CHMP7: variants seen among roughly 807,000 people sequenced by gnomAD.
The protein encoded by CHMP7 is charged multivesicular body protein 7.
A neutral mutation model predicts 53.7 loss-of-function variants in CHMP7; 15 were observed. The observed-to-expected ratio is 0.28, with a 90% CI of 0.19 to 0.43. The LOEUF is 0.43. Among genes scored for constraint, CHMP7 ranks in the 20% least tolerant of loss-of-function variants. The probability of loss-of-function intolerance (pLI) is 1.00; values close to 1 mark genes in which losing one functional copy is unlikely to be tolerated. For synonymous variants in CHMP7, 261 were observed against 228.0 expected (o/e 1.14, Z -1.30); for missense variants, 527 against 569.4 (o/e 0.93, Z 0.76).
At chr8:23,258,853 GAC>G (rs751907901) in intron 8 of CHMP7, 23 bp downstream of exon 8, 5 of 1,489,898 alleles carry the variant, frequency 3.4e-6, no homozygotes, top group Non-Finnish European at 3.7e-6. Flanking sequence ...GCCAGGGAGG[GAC>G]ACACAGAGAA....
chr8:23,249,469 C>G, intron 3 of CHMP7, 88 bp downstream of exon 3: 1 of 1,092,644 alleles, frequency 9.2e-7, no homozygotes, highest in Non-Finnish European at 1.3e-6. Context: ...GAAAAAAGAC[C>G]GTCTCTTTTT....
chr8:23,248,077 G>T (rs1020940949), intron 2 of CHMP7: 4 of 456,092 alleles, frequency 8.8e-6, no homozygotes, highest in Non-Finnish European at 1.8e-5. Flanking sequence ...CTCCCAAAGT[G>T]TTAAGATTAC....
chr8:23,256,856 G>A lies in CHMP7; in HGVS notation c.791+263G>A, dbSNP rs1340292532. Among the ~76,000 whole-genome samples the A allele has an allele frequency of 6.3e-5, 9 of 143,536 alleles. No homozygotes were observed. The South Asian group carries it at 1.3e-3, about 21-fold the overall frequency. The allele number at this position is 143,536 out of a possible 152,430, so 94.2% of individuals were successfully genotyped here. ...CACCCGGGCTGGAGTGCAGTGGTGC[G>A]ATCTCGGCTCACTGCAAGCTCCGCC... On this transcript the variant is annotated intron_variant, in intron 5 of 10. Coordinates refer to ENST00000397677, the MANE Select transcript of CHMP7 (RefSeq NM_152272.5).
chr8:23,255,847 C>T (rs777937600), intron 4 of CHMP7, among the ~76,000 whole-genome samples: 38 of 151,676 alleles, frequency 2.5e-4, no homozygotes, highest in Non-Finnish European at 4.0e-4. Flanking sequence ...CTGCAGCCTC[C>T]GCCTCCCGGG....
chr8:23,246,572 T>C lies in CHMP7; in HGVS notation c.-124T>C, dbSNP rs1004930153. ...AAGACTTATGGAACTTATTTCACGC[T>C]CAGGGCGGCGGTGACGTGTGAACGA... On this transcript the variant is annotated 5_prime_UTR_variant, in exon 2 of 11. Coordinates refer to ENST00000397677, the MANE Select transcript of CHMP7 (RefSeq NM_152272.5). The C allele has an allele frequency of 1.3e-6, 1 of 775,880 alleles. No individual in the cohort carries two copies. The highest frequency in any genetic ancestry group is 2.0e-6 in the Non-Finnish European group (1 of 494,088). The allele number at this position is 775,880 out of a possible 1,614,324, so 48.1% of individuals were successfully genotyped here. A position where few individuals can be genotyped will look rare whatever the true frequency, so the allele number is the denominator to read the frequency against.
chr8:23,244,490 C>A (rs1203264462), intron 1 of CHMP7, among the ~76,000 whole-genome samples: 1 of 152,134 alleles, frequency 6.6e-6, no homozygotes, highest in Admixed American at 6.5e-5. Context: ...CTATTCTGTT[C>A]CATTTATCTA....
chr8:23,256,344 T>C, intron 4 of CHMP7, 116 bp from the exon 5 acceptor site: 1 of 727,488 alleles, frequency 1.4e-6, no homozygotes. Context: ...CACTGGAACA[T>C]ATCCCCCATG....
At chr8:23,253,944 C>T (rs1056681174) in intron 3 of CHMP7, among the ~76,000 whole-genome samples, 3 of 152,196 alleles carry the variant, frequency 2.0e-5, no homozygotes, top group African/African-American at 7.2e-5. Flanking sequence ...TGTCAGTTTC[C>T]TTCAGTGACC....
At chr8:23,255,502 T>C (rs1802090037) in intron 4 of CHMP7, 70 bp downstream of exon 4, 1 of 1,478,814 alleles carries the variant, frequency 6.8e-7, no homozygotes, top group East Asian at 2.3e-5. Context: ...AGTGAGCCCT[T>C]ATCTCAGATT....
chr8:23,258,971 C>A lies in CHMP7; in HGVS notation c.1060-95C>A, dbSNP rs146133000. On this transcript the variant is annotated intron_variant, in intron 8 of 10. Coordinates refer to ENST00000397677, the MANE Select transcript of CHMP7 (RefSeq NM_152272.5). ...AGCTTTCCTTGATTCTCACTTGGGGCAGGATTGCTTTGTAACCCTAGATAT... is the reference window on the plus strand; with the variant it reads ...AGCTTTCCTTGATTCTCACTTGGGGAAGGATTGCTTTGTAACCCTAGATAT... 10 of 1,055,834 alleles carry A rather than the reference C, an allele frequency of 9.5e-6. No individual in the cohort carries two copies. The South Asian group carries it at 1.0e-4, about 11-fold the overall frequency. The allele number at this position is 1,055,834 out of a possible 1,614,324, so 65.4% of individuals were successfully genotyped here.
intron 9 of CHMP7, chr8:23,259,940 C>T: frequency 3.5e-6 from 2 of 567,842 alleles, no homozygotes; most frequent in Middle Eastern, 4.7e-4. Context: ...TAACAGAATA[C>T]ACCTCCTTGG....
chr8:23,246,876 C>T lies in CHMP7; in HGVS notation c.181C>T (p.Leu61=), dbSNP rs1367413106. The change falls in exon 2 of 11, where the codon CTG becomes TTG. Residue 61 remains leucine, a synonymous_variant. Transcript: ENST00000397677. ...GATGGGCTTCTGGGCGCCGTTGGTG[C>T]TGAGCCACAGCCGCCGCCAGGGGGT... ...SKMGFWAPLV[L]SHSRRQGVVR... 8 of 1,591,352 alleles carry T rather than the reference C, an allele frequency of 5.0e-6. No homozygotes were observed. In the Admixed American group the frequency reaches 8.8e-5, roughly 18 times the overall value.
intron 2 of CHMP7, chr8:23,248,101 C>G (rs1312967019): frequency 6.6e-6 from 3 of 456,100 alleles, no homozygotes; most frequent in Admixed American, 2.3e-5. Context: ...CGTTGAGCCA[C>G]TGCACCTGGC....
intron 5 of CHMP7, among the ~76,000 whole-genome samples, chr8:23,257,745 G>C (rs1341624365): frequency 6.6e-6 from 1 of 152,190 alleles, no homozygotes. Flanking sequence ...TTCCTTCCCT[G>C]TCTCCCCAAA....
intron 1 of CHMP7, among the ~76,000 whole-genome samples, chr8:23,244,442 C>G (rs1801619468): frequency 6.6e-6 from 1 of 152,154 alleles, no homozygotes; most frequent in Non-Finnish European, 1.5e-5. Flanking sequence ...TTCGAAAGGT[C>G]AGTTGACTGT....
At chr8:23,259,636 G>T (rs1802300318) in intron 9 of CHMP7, among the ~76,000 whole-genome samples, 1 of 152,178 alleles carries the variant, frequency 6.6e-6, no homozygotes, top group African/African-American at 2.4e-5. Context: ...GGGGTTACAG[G>T]TGTGAGCCAC....
intron 3 of CHMP7, among the ~76,000 whole-genome samples, chr8:23,252,624 A>G (rs560698759): frequency 4.5e-4 from 68 of 152,282 alleles, no homozygotes; most frequent in African/African-American, 1.6e-3. Context: ...CTTTTACCCT[A>G]TAGAAGGTTT....
intron 3 of CHMP7, among the ~76,000 whole-genome samples, chr8:23,249,787 C>T (rs1315252115): frequency 2.0e-5 from 3 of 152,182 alleles, no homozygotes. Context: ...CGTGCCCTTT[C>T]CCCTTCCAGC....
intron 1 of CHMP7, among the ~76,000 whole-genome samples, chr8:23,244,103 C>G (rs1801609346): frequency 6.6e-6 from 1 of 151,876 alleles, no homozygotes; most frequent in Non-Finnish European, 1.5e-5. Flanking sequence ...GGCTTATCTT[C>G]ACATTCTCTT....
Sources: allele counts gnomAD v4.1 joint callset (sites outside exome capture counted in the v4.1 genomes callset), GRCh38; gene constraint gnomAD v4.1.1; transcripts MANE v1.5; gene names NCBI Gene and HGNC (gene_info 2026-07-23, HGNC 2026-07-21).